Variants in CAB39L observed in about 807,000 individuals in gnomAD.
CAB39L encodes calcium-binding protein 39-like.
A neutral mutation model predicts 39.1 loss-of-function variants in CAB39L; 23 were observed. That is an observed-to-expected ratio of 0.59 (90% CI 0.42 to 0.83). The LOEUF (loss-of-function observed/expected upper bound fraction) is 0.83, where lower values mean the gene tolerates loss of function less well. Among genes scored for constraint, CAB39L ranks in the 40% least tolerant of loss-of-function variants. CAB39L has a pLI of 0.00. For missense variants in CAB39L, 366 were observed against 391.9 expected (o/e 0.93, Z 0.56); for synonymous variants, 126 against 137.2 (o/e 0.92, Z 0.57).
chr13:49,401,387 A>G (rs1299584948), intron 3 of CAB39L: 5 of 152,242 alleles, frequency 3.3e-5, no homozygotes, highest in Non-Finnish European at 5.9e-5. Flanking sequence ...GATCACTTGA[A>G]CACTCACATA....
chr13:49,429,264 T>A (rs114042387), intron 3 of CAB39L, among the ~76,000 whole-genome samples: 1,701 of 152,290 alleles, frequency 0.011, 29 homozygotes, highest in African/African-American at 0.038. Flanking sequence ...GGCTAATTTT[T>A]AAAATTTTTT....
At chr13:49,400,791 T>C (rs1956753250) in intron 3 of CAB39L, among the ~76,000 whole-genome samples, 1 of 152,162 alleles carries the variant, frequency 6.6e-6, no homozygotes, top group African/African-American at 2.4e-5. Context: ...TTTCTAATTT[T>C]CATGCAGTTG....
chr13:49,336,861 C>T, intron 9 of CAB39L, among the ~76,000 whole-genome samples: 1 of 152,336 alleles, frequency 6.6e-6, no homozygotes, highest in South Asian at 2.1e-4. Flanking sequence ...TCTTAGCAAG[C>T]TTTCTGGACA....
At chr13:49,399,506 A>G (rs76118711) in intron 3 of CAB39L, among the ~76,000 whole-genome samples, 6,108 of 152,122 alleles carry the variant, frequency 0.04, 243 homozygotes, top group African/African-American at 0.094. Context: ...CAAGGTAGCA[A>G]TGGTTTTTCT....
intron 3 of CAB39L, among the ~76,000 whole-genome samples, chr13:49,397,757 A>G (rs1281779225): frequency 1.3e-5 from 2 of 152,076 alleles, no homozygotes; most frequent in African/African-American, 4.8e-5. Context: ...GAATTTTACA[A>G]TCTCAACTTA....
chr13:49,354,162 C>T (rs1194168456), intron 6 of CAB39L, among the ~76,000 whole-genome samples: 1 of 152,168 alleles, frequency 6.6e-6, no homozygotes, highest in Non-Finnish European at 1.5e-5. Context: ...GATGCACTGA[C>T]AGTTTATTCT....
At chr13:49,437,203 C>T (rs554223783) in intron 1 of CAB39L, among the ~76,000 whole-genome samples, 1 of 152,280 alleles carries the variant, frequency 6.6e-6, no homozygotes, top group South Asian at 2.1e-4. Context: ...TAGGCAGAAG[C>T]AAGGAATTTA....
intron 3 of CAB39L, among the ~76,000 whole-genome samples, chr13:49,407,756 G>A (rs1023283345): frequency 1.3e-5 from 2 of 151,374 alleles, no homozygotes; most frequent in African/African-American, 4.9e-5. Flanking sequence ...CCAAGGCCCA[G>A]TGGCTCATGT....
chr13:49,422,452 T>C (rs1344702946), intron 3 of CAB39L, among the ~76,000 whole-genome samples: 5 of 152,178 alleles, frequency 3.3e-5, no homozygotes, highest in African/African-American at 1.2e-4. Context: ...CATTAGCCTG[T>C]CTTCCCAGCT....
intron 3 of CAB39L, among the ~76,000 whole-genome samples, chr13:49,426,564 C>T (rs1233900449): frequency 2.0e-5 from 3 of 152,228 alleles, no homozygotes; most frequent in Middle Eastern, 3.4e-3. Flanking sequence ...GTAGCTGGGA[C>T]TACAGGCGCC....
At position 49,344,261 on chromosome 13, in the gene CAB39L, A is replaced by G. The variant is rs764662555; in HGVS notation, c.565-23T>C. ...ATCCTAGAAAAAGAAAAACCAAGTG[A>G]AACAAAACTGTTATAGCTATTAATA... On this transcript the variant is annotated intron_variant, in intron 7 of 10. Coordinates refer to ENST00000409308, the MANE Select transcript of CAB39L (RefSeq NM_001079670.3). 5.7e-6 allele frequency: 8 copies of G among 1,415,066 alleles called. No individual in the cohort carries two copies. In the East Asian group the frequency reaches 1.6e-4, roughly 28 times the overall value. The allele number at this position is 1,415,066 out of a possible 1,614,324, so 87.7% of individuals were successfully genotyped here.
intron 3 of CAB39L, among the ~76,000 whole-genome samples, chr13:49,389,879 G>A (rs796696753): frequency 8.3e-4 from 127 of 152,282 alleles, no homozygotes; most frequent in African/African-American, 3.0e-3. Context: ...TTGGAGTGCA[G>A]TTGTGTAATA....
chr13:49,413,370 A>G (rs558456171), intron 3 of CAB39L, among the ~76,000 whole-genome samples: 2 of 152,192 alleles, frequency 1.3e-5, no homozygotes, highest in South Asian at 4.1e-4. Context: ...ATATTTCCTG[A>G]GGATTTGTTA....
intron 6 of CAB39L, among the ~76,000 whole-genome samples, chr13:49,351,694 C>G (rs1244549525): frequency 6.6e-6 from 1 of 152,102 alleles, no homozygotes; most frequent in Non-Finnish European, 1.5e-5. Context: ...GAGCAGAACC[C>G]AGGAGAGGGA....
rs1215424927 is a variant in CAB39L, at chr13:49,407,875, A to AAG, written c.-31-24935_-31-24934insCT. ...AGACCCCGTCTCAAAAAAAAAAAAAAAAATAGAAGAAACAAAAATTTAGTA... is the reference window on the plus strand; with the variant it reads ...AGACCCCGTCTCAAAAAAAAAAAAAAAGAAATAGAAGAAACAAAAATTTAGTA... On this transcript the variant is annotated intron_variant, in intron 3 of 10. Coordinates refer to ENST00000409308, the MANE Select transcript of CAB39L (RefSeq NM_001079670.3). Among the ~76,000 whole-genome samples the AAG allele has an allele frequency of 4.0e-5, 6 of 151,450 alleles. No homozygotes were observed. In the East Asian group the frequency reaches 9.7e-4, roughly 24 times the overall value.
At chr13:49,402,410 G>A (rs181901848) in intron 3 of CAB39L, among the ~76,000 whole-genome samples, 5 of 152,246 alleles carry the variant, frequency 3.3e-5, no homozygotes, top group Admixed American at 6.5e-5. Flanking sequence ...CTTGGAATAC[G>A]TGCTGGCTCT....
At chr13:49,380,361 C>T (rs1307223264) in intron 4 of CAB39L, among the ~76,000 whole-genome samples, 1 of 152,116 alleles carries the variant, frequency 6.6e-6, no homozygotes, top group Non-Finnish European at 1.5e-5. Context: ...CTTTCTTTGT[C>T]AATCCATTTA....
intron 9 of CAB39L, among the ~76,000 whole-genome samples, chr13:49,337,930 C>A (rs1292433801): frequency 6.6e-6 from 1 of 152,188 alleles, no homozygotes; most frequent in Non-Finnish European, 1.5e-5. Context: ...TGGCTGTCAT[C>A]ATATGTCTGG....
At chr13:49,382,620 C>G in intron 4 of CAB39L, 180 bp downstream of exon 4, 1 of 522,954 alleles carries the variant, frequency 1.9e-6, no homozygotes, top group Non-Finnish European at 3.4e-6. Flanking sequence ...ACCTAAAGTT[C>G]ATCACAACAG....
Sources: gnomAD v4.1 joint callset for allele counts (sites outside exome capture counted in the v4.1 genomes callset) on GRCh38, gnomAD v4.1.1 for gene constraint, MANE v1.5 for transcripts, NCBI Gene and HGNC (gene_info 2026-07-23, HGNC 2026-07-21) for gene names.